Variants in TGFBI observed in about 807,000 individuals in gnomAD.
The protein encoded by TGFBI is transforming growth factor-beta-induced protein ig-h3.
TGFBI carries 50 observed loss-of-function variants against 73.7 expected under a neutral mutation model. That is an observed-to-expected ratio of 0.68 (90% CI 0.54 to 0.86). The LOEUF is 0.86. Ranked by LOEUF, TGFBI falls within the 40% of genes least tolerant of loss-of-function variation. The pLI, the probability that TGFBI is intolerant of heterozygous loss-of-function variation, is 0.00. For synonymous variants in TGFBI, 362 were observed against 360.5 expected, an observed-to-expected ratio of 1.00 and a Z score of -0.05; for missense variants, 839 against 877.0, an observed-to-expected ratio of 0.96 and a Z score of 0.55.
At chr5:136,030,980 GT>G (rs1000989962) in intron 1 of TGFBI, among the ~76,000 whole-genome samples, 3 of 152,142 alleles carry the variant, frequency 2.0e-5, no homozygotes, top group African/African-American at 7.2e-5. Context: ...GGAAAACAGG[GT>G]TTTTTTCTTA....
intron 7 of TGFBI, among the ~76,000 whole-genome samples, chr5:136,052,093 C>T (rs1465036155): frequency 6.6e-6 from 1 of 152,242 alleles, no homozygotes; most frequent in Admixed American, 6.5e-5. Flanking sequence ...TCCTCCTTGA[C>T]TGGTCCTTGC....
chr5:136,040,152 ACTT>A (rs1280235940), intron 2 of TGFBI, among the ~76,000 whole-genome samples: 1 of 152,224 alleles, frequency 6.6e-6, no homozygotes, highest in African/African-American at 2.4e-5. Context: ...AAAACTCAGT[ACTT>A]CTCTCTATCC....
At chr5:136,043,939 G>A in intron 2 of TGFBI, 119 bp from the exon 3 acceptor site, 3 of 790,790 alleles carry the variant, frequency 3.8e-6, no homozygotes, top group Non-Finnish European at 2.2e-6. Flanking sequence ...TAAGAGGAGA[G>A]TGTTTCACCC....
Position 136,049,548 on chromosome 5 carries a change from A to G in TGFBI, c.881A>G (p.Asn294Ser), listed in dbSNP as rs753546277. Residue 294 changes from asparagine to serine, a missense_variant, in exon 7 of 17, where the codon AAC becomes AGC. Asn to Ser is a conservative substitution (Grantham distance 46). Coordinates refer to ENST00000442011, the MANE Select transcript of TGFBI (RefSeq NM_000358.3). Reference sequence around the variant, plus strand: ...GAGAAGATCCCTAGTGAGACTTTGAACCGTATCCTGGGCGACCCAGAAGCC... The same window carrying G: ...GAGAAGATCCCTAGTGAGACTTTGAGCCGTATCCTGGGCGACCCAGAAGCC... ...AFEKIPSETL[N>S]RILGDPEALR... 2.2e-5 allele frequency: 35 copies of G among 1,613,732 alleles called. No individual in the cohort carries two copies. The highest frequency in any genetic ancestry group is 2.6e-5 in the Non-Finnish European group (31 of 1,179,862).
chr5:136,053,002 G>T lies in TGFBI; in HGVS notation c.1009G>T (p.Val337Leu), dbSNP rs779292699. ...GACCCTGGAGGGCACGACACTGGAG[G>T]TGGGCTGCAGCGGGGACATGCTCAC... ...VETLEGTTLE[V>L]GCSGDMLTIN... Residue 337 changes from valine to leucine, a missense_variant, in exon 8 of 17, where the codon GTG becomes TTG. Transcript: ENST00000442011. The T allele has an allele frequency of 1.9e-6, 3 of 1,614,062 alleles. No homozygotes were observed. The highest frequency in any genetic ancestry group is 2.5e-6 in the Non-Finnish European group (3 of 1,179,898).
chr5:136,049,283 A>G (rs1751489739), intron 6 of TGFBI, 156 bp from the exon 7 acceptor site: 3 of 996,948 alleles, frequency 3.0e-6, no homozygotes, highest in Non-Finnish European at 4.3e-6. Flanking sequence ...CCTGGGGGCC[A>G]TGGTCATGGG....
Position 136,059,206 on chromosome 5 carries a change from G to A in TGFBI, c.1795G>A (p.Val599Ile). 2 of 1,609,882 alleles carry A rather than the reference G, an allele frequency of 1.2e-6. No homozygotes were observed. The highest frequency in any genetic ancestry group is 1.7e-6 in the Non-Finnish European group (2 of 1,178,738). Residue 599 changes from valine (V) to isoleucine (I), a missense_variant, in exon 13 of 17, where the codon GTC becomes ATC. Coordinates refer to ENST00000442011, the MANE Select transcript of TGFBI (RefSeq NM_000358.3). ...GTCTCTCCAAGGTGACAAGCTGGAA[G>A]TCAGCTTGGTAAGTGTCCTGCAAAT... is the stretch of plus-strand genomic sequence containing the variant. Reference protein sequence around the residue: ...LKSLQGDKLEVSLKNNVVSVN... With the variant: ...LKSLQGDKLEISLKNNVVSVN...
intron 2 of TGFBI, among the ~76,000 whole-genome samples, chr5:136,037,283 C>CTAATCA (rs1434508605): frequency 6.6e-6 from 1 of 152,144 alleles, no homozygotes; most frequent in Non-Finnish European, 1.5e-5. Flanking sequence ...TCCTAAATAG[C>CTAATCA]ACCGGAGTGA....
At chr5:136,061,362 G>A (rs1325960412) in intron 14 of TGFBI, 138 bp from the exon 15 acceptor site, 9 of 694,240 alleles carry the variant, frequency 1.3e-5, no homozygotes, top group Non-Finnish European at 1.8e-5. Flanking sequence ...TCTACCATGA[G>A]TTATGAAACA....
chr5:136,060,538 A>T (rs4976466), intron 13 of TGFBI, among the ~76,000 whole-genome samples: 148,885 of 152,252 alleles, frequency 0.98, 72,804 homozygotes, highest in East Asian at 1. Context: ...TGGTGAAACC[A>T]CATCTCTACT....
chr5:136,061,847 G>C (rs1751754952), intron 15 of TGFBI, among the ~76,000 whole-genome samples: 1 of 152,220 alleles, frequency 6.6e-6, no homozygotes, highest in Non-Finnish European at 1.5e-5. Context: ...GTCACTGCTG[G>C]AGAGAACAGA....
At chr5:136,044,408 C>T (rs1387947635) in intron 3 of TGFBI, among the ~76,000 whole-genome samples, 1 of 152,242 alleles carries the variant, frequency 6.6e-6, no homozygotes, top group African/African-American at 2.4e-5. Context: ...CAGGCTCAGG[C>T]TCAGGCTCTT....
chr5:136,054,211 C>T, intron 9 of TGFBI, 131 bp downstream of exon 9: 1 of 1,277,458 alleles, frequency 7.8e-7, no homozygotes, highest in South Asian at 1.5e-5. Context: ...CAACCAAAAG[C>T]AGATGTGACT....
chr5:136,046,643 T>C, intron 4 of TGFBI, 148 bp downstream of exon 4: 3 of 1,258,078 alleles, frequency 2.4e-6, no homozygotes, highest in Non-Finnish European at 3.2e-6. Flanking sequence ...CTGTGGAACT[T>C]GAGCTAAAAT....
chr5:136,042,844 C>G (rs945104920), intron 2 of TGFBI, among the ~76,000 whole-genome samples: 2 of 152,148 alleles, frequency 1.3e-5, no homozygotes, highest in Non-Finnish European at 2.9e-5. Flanking sequence ...TTAACTAAGT[C>G]TTCCCTGAGA....
chr5:136,031,917 T>G (rs930036111), intron 1 of TGFBI, among the ~76,000 whole-genome samples: 3 of 152,070 alleles, frequency 2.0e-5, no homozygotes, highest in Non-Finnish European at 4.4e-5. Flanking sequence ...GTGGAAACAT[T>G]CAGCAAAGGA....
rs979041890 is a variant in TGFBI, at chr5:136,046,671, G to A, written c.459+176G>A. The stretch of plus-strand genomic sequence containing the variant: ...GCTAAAATATGTCTTACCAGGTTGC[G>A]TCTAATGCCCCCCGTTCCCTACTGG... On this transcript the variant is annotated intron_variant, in intron 4 of 16. Transcript: ENST00000442011. The A allele has an allele frequency of 4.6e-5, 56 of 1,207,620 alleles. No homozygotes were observed. In the Middle Eastern group the frequency reaches 1.1e-3, roughly 25 times the overall value. The allele number at this position is 1,207,620 out of a possible 1,614,324, so 74.8% of individuals were successfully genotyped here.
intron 9 of TGFBI, 156 bp from the exon 10 acceptor site, chr5:136,054,560 A>G: frequency 1.0e-6 from 1 of 991,270 alleles, no homozygotes; most frequent in Non-Finnish European, 1.6e-6. Flanking sequence ...CATAGAAGAT[A>G]CCAGATGTTA....
At chr5:136,050,653 T>C (rs929637311) in intron 7 of TGFBI, among the ~76,000 whole-genome samples, 3 of 152,200 alleles carry the variant, frequency 2.0e-5, no homozygotes, top group Non-Finnish European at 2.9e-5. Flanking sequence ...CTCTCAAACA[T>C]ATTCCAGGAT....
Sources: allele counts gnomAD v4.1 joint callset (sites outside exome capture counted in the v4.1 genomes callset), GRCh38; gene constraint gnomAD v4.1.1; transcripts MANE v1.5; gene names NCBI Gene and HGNC (gene_info 2026-07-23, HGNC 2026-07-21).